The following ZCCHC14 variants were observed in gnomAD, a reference collection of about 807,000 sequenced individuals.
The protein encoded by ZCCHC14 is zinc finger CCHC-type containing 14.
In ZCCHC14, 16 loss-of-function variants were observed where a neutral mutation model predicts 85.0. The observed-to-expected ratio is 0.19, with a 90% CI of 0.13 to 0.29. ZCCHC14 has a LOEUF of 0.29. Ranked by LOEUF, ZCCHC14 falls within the 10% of genes least tolerant of loss-of-function variation. The pLI is 1.00. For missense variants in ZCCHC14, 1,303 were observed against 1,443.5 expected (o/e 0.90, Z 1.58); for synonymous variants, 775 against 630.7 (o/e 1.23, Z -3.43).
chr16:87,411,955 G>A lies in ZCCHC14; in HGVS notation c.2766C>T (p.Cys922=), dbSNP rs1193923481. The A allele has an allele frequency of 4.4e-6, 7 of 1,605,004 alleles. No individual in the cohort carries two copies. Among genetic ancestry groups the A allele is most frequent in the Non-Finnish European group, 5.1e-6 (6 of 1,176,834 alleles). ...PPQPAPPPPG[C]IVCTSCGCSG... ...TGCAGCCACAGGACGTGCACACAAT[G>A]CAGCCTGGCGGGGGTGGGGCGGGCT... The change falls in exon 12 of 13, where the codon TGC becomes TGT. Residue 922 remains cysteine (C), a synonymous_variant. Transcript: ENST00000671377.
At chr16:87,429,820 T>G (rs1195837049) in intron 3 of ZCCHC14, among the ~76,000 whole-genome samples, 1 of 152,254 alleles carries the variant, frequency 6.6e-6, no homozygotes, top group African/African-American at 2.4e-5. Context: ...TTGGCTAGGC[T>G]GGTCTCAAAC....
intron 2 of ZCCHC14, among the ~76,000 whole-genome samples, chr16:87,455,918 T>A (rs1376362013): frequency 6.6e-6 from 1 of 152,212 alleles, no homozygotes; most frequent in Non-Finnish European, 1.5e-5. Context: ...TCTGAGCACA[T>A]TTAAGGTAGG....
chr16:87,412,356 A>G lies in ZCCHC14; in HGVS notation c.2365T>C (p.Ser789Pro), dbSNP rs753494835. The G allele has an allele frequency of 8.7e-6, 14 of 1,614,046 alleles. No homozygotes were observed. Among genetic ancestry groups the G allele is most frequent in the Non-Finnish European group, 1.2e-5 (14 of 1,180,054 alleles). ...SSSVPADSAI[S>P]GQTSCPNNVQ... ...TTATTAGGACAGGAAGTTTGCCCAGAAATGGCAGAATCAGCAGGAACAGAT... is the reference window on the plus strand; with the variant it reads ...TTATTAGGACAGGAAGTTTGCCCAGGAATGGCAGAATCAGCAGGAACAGAT... Residue 789 changes from serine (S) to proline (P), a missense_variant, in exon 12 of 13, where the codon TCT (serine) becomes CCT (proline). Physicochemically the swap from Ser to Pro is moderately conservative, Grantham distance 74 (BLOSUM62 -1). Coordinates refer to ENST00000671377, the MANE Select transcript of ZCCHC14 (RefSeq NM_015144.3).
intron 2 of ZCCHC14, among the ~76,000 whole-genome samples, chr16:87,455,063 C>G (rs1910887420): frequency 6.6e-6 from 1 of 152,202 alleles, no homozygotes; most frequent in Non-Finnish European, 1.5e-5. Flanking sequence ...CCGAGGCGGG[C>G]AGATCACCTG....
chr16:87,417,713 G>A lies in ZCCHC14; in HGVS notation c.1130C>T (p.Ser377Phe). 6.2e-7 allele frequency: 1 copy of A among 1,603,818 alleles called. No individual in the cohort carries two copies. The highest frequency in any genetic ancestry group is 8.5e-7 in the Non-Finnish European group (1 of 1,176,580). The change falls in exon 8 of 13, where the codon TCC (serine) becomes TTC (phenylalanine). Residue 377 changes from serine (S) to phenylalanine (F), a missense_variant. Coordinates refer to ENST00000671377, the MANE Select transcript of ZCCHC14 (RefSeq NM_015144.3). ...GTGGTGCTGGGCTCCGCTCTGCGAGGACGGGATACCAGCCACTCCACACAC... is the reference window on the plus strand; with the variant it reads ...GTGGTGCTGGGCTCCGCTCTGCGAGAACGGGATACCAGCCACTCCACACAC... The part of the protein sequence containing the change: ...RPVCGVAGIP[S>F]SQSGAQHHGQ...
At chr16:87,448,281 G>C (rs1200917260) in intron 2 of ZCCHC14, among the ~76,000 whole-genome samples, 1 of 152,052 alleles carries the variant, frequency 6.6e-6, no homozygotes, top group Non-Finnish European at 1.5e-5. Flanking sequence ...GTTGCAAATG[G>C]CAAGTCCAAT....
chr16:87,438,750 TG>T (rs1443157562), intron 2 of ZCCHC14, among the ~76,000 whole-genome samples: 1 of 152,002 alleles, frequency 6.6e-6, no homozygotes, highest in Non-Finnish European at 1.5e-5. Context: ...GTCTTCCTCC[TG>T]CTTGGGGCAT....
chr16:87,490,009 G>C, intron 1 of ZCCHC14, among the ~76,000 whole-genome samples: 1 of 152,196 alleles, frequency 6.6e-6, no homozygotes, highest in Non-Finnish European at 1.5e-5. Context: ...TTGCTGGCAT[G>C]TCAAGGCTTA....
chr16:87,479,208 G>A (rs1255529246), intron 1 of ZCCHC14, among the ~76,000 whole-genome samples: 1 of 151,860 alleles, frequency 6.6e-6, no homozygotes, highest in African/African-American at 2.4e-5. Context: ...CCTGAGGTCA[G>A]GAGTTCAAGA....
intron 2 of ZCCHC14, among the ~76,000 whole-genome samples, chr16:87,448,766 G>T (rs1301206217): frequency 6.6e-6 from 1 of 152,112 alleles, no homozygotes; most frequent in African/African-American, 2.4e-5. Context: ...TCCCTAAGTA[G>T]GATGCTTATC....
chr16:87,460,220 C>G, intron 1 of ZCCHC14, 89 bp from the exon 2 acceptor site: 1 of 1,484,318 alleles, frequency 6.7e-7, no homozygotes, highest in African/African-American at 1.4e-5. Flanking sequence ...TTCATAATTA[C>G]CTTGGTTTCC....
chr16:87,419,181 T>G (rs1234630267), intron 6 of ZCCHC14, among the ~76,000 whole-genome samples: 1 of 132,332 alleles, frequency 7.6e-6, no homozygotes, highest in Non-Finnish European at 1.6e-5. Flanking sequence ...CATGCTGGAG[T>G]GCAGTGGGGC....
chr16:87,461,006 C>T (rs1359879723), intron 1 of ZCCHC14, among the ~76,000 whole-genome samples: 1 of 152,206 alleles, frequency 6.6e-6, no homozygotes, highest in African/African-American at 2.4e-5. Flanking sequence ...ATGGGGTGTG[C>T]CCACTGCAGG....
intron 6 of ZCCHC14, 56 bp downstream of exon 6, chr16:87,419,727 C>G: frequency 7.1e-7 from 1 of 1,417,096 alleles, no homozygotes; most frequent in Non-Finnish European, 9.5e-7. Flanking sequence ...TGAGCCACTG[C>G]GCCCAGCTGT....
At position 87,466,178 on chromosome 16, in the gene ZCCHC14, A is replaced by T. The variant is rs372218791; in HGVS notation, c.571-6047T>A. 1.5e-3 allele frequency among the ~76,000 whole-genome samples: 221 copies of T among 149,022 alleles called. 1 individual carries two copies. Among genetic ancestry groups the T allele is most frequent in the Admixed American group, 2.5e-3 (38 of 14,914 alleles). On this transcript the variant is annotated intron_variant, in intron 1 of 12. Transcript: ENST00000671377. ...AGTTCATGCCGCCTGACAGAAAAAA[A>T]CCCAGCACCACACAGGCTACTTTAC...
In ZCCHC14 at chr16:87,491,831, G is replaced by A. The variant is rs1912787697; in HGVS notation, c.408C>T (p.Phe136=). Residue 136 remains phenylalanine (F), a synonymous_variant, in exon 1 of 13, where the codon TTC becomes TTT. Coordinates refer to ENST00000671377, the MANE Select transcript of ZCCHC14 (RefSeq NM_015144.3). The surrounding 1 kb of genome is among the most constrained non-coding windows in gnomAD (Gnocchi z 5.9). ...GRTGDEFLLL[F]TMASNHPAFS... ...AGGCCGGGTGGTTGGAGGCCATGGTGAACAGCAGCAGGAACTCATCGCCCG... is the reference window on the plus strand; with the variant it reads ...AGGCCGGGTGGTTGGAGGCCATGGTAAACAGCAGCAGGAACTCATCGCCCG... 9 of 1,582,524 alleles carry A rather than the reference G, an allele frequency of 5.7e-6. No individual in the cohort carries two copies. The South Asian group carries it at 5.7e-5, about 10-fold the overall frequency.
chr16:87,459,400 A>G (rs895232053), intron 2 of ZCCHC14, among the ~76,000 whole-genome samples: 2 of 151,254 alleles, frequency 1.3e-5, no homozygotes, highest in Non-Finnish European at 2.9e-5. Context: ...ACTGGAGGGC[A>G]GTGGCACGAT....
At chr16:87,478,131 G>C (rs1193622913) in intron 1 of ZCCHC14, among the ~76,000 whole-genome samples, 3 of 152,172 alleles carry the variant, frequency 2.0e-5, no homozygotes. Flanking sequence ...ATGGTATGCT[G>C]GTTTAAAAGC....
At chr16:87,474,042 A>G (rs1911893633) in intron 1 of ZCCHC14, 1 of 152,238 alleles carries the variant, frequency 6.6e-6, no homozygotes. Flanking sequence ...GCTCACCTGG[A>G]TTGATCACAG....
Sources: gnomAD v4.1 joint callset for allele counts (sites outside exome capture counted in the v4.1 genomes callset) on GRCh38, gnomAD v4.1.1 for gene constraint, Gnocchi (gnomAD v3.1) non-coding constraint, MANE v1.5 for transcripts, NCBI Gene and HGNC (gene_info 2026-07-23, HGNC 2026-07-21) for gene names.